DPEP1: variants seen among roughly 807,000 people sequenced by gnomAD.
DPEP1 encodes the protein beta-lactamase.
A neutral mutation model predicts 42.3 loss-of-function variants in DPEP1; 50 were observed. The ratio of observed to expected loss-of-function variants is 1.18; its 90% CI spans 0.94 to 1.50. The LOEUF (loss-of-function observed/expected upper bound fraction) is 1.50. Among genes scored for constraint, DPEP1 ranks in the 40% most tolerant of loss-of-function variants. DPEP1 has a pLI of 0.00. For synonymous variants in DPEP1, 297 were observed against 234.0 expected, an observed-to-expected ratio of 1.27 and a Z score of -2.46; for missense variants, 663 against 553.0, an observed-to-expected ratio of 1.20 and a Z score of -1.99.
intron 1 of DPEP1, among the ~76,000 whole-genome samples, chr16:89,622,073 G>A (rs2059452897): frequency 6.6e-6 from 1 of 152,190 alleles, no homozygotes; most frequent in Non-Finnish European, 1.5e-5. Flanking sequence ...CACCCTGTGA[G>A]GAGAGCGTGT....
downstream of DPEP1, among the ~76,000 whole-genome samples, chr16:89,638,995 GCACA>G (rs201490535): frequency 2.6e-4 from 4 of 15,614 alleles, no homozygotes; most frequent in East Asian, 5.7e-3. Context: ...CCCCACCCCT[GCACA>G]CACACACACA....
rs76820443 is a variant in DPEP1, at chr16:89,638,389, G to T, written c.*167G>T. On this transcript the variant is annotated 3_prime_UTR_variant, in exon 11 of 11. Transcript: ENST00000690203. ...GGCAGGATGCCTGGGGACAGTTCAGGACACACACACAGTAGGCCCGCAATA... is the reference window on the plus strand; with the variant it reads ...GGCAGGATGCCTGGGGACAGTTCAGTACACACACACAGTAGGCCCGCAATA... 82,962 of 1,405,638 alleles carry T rather than the reference G, an allele frequency of 0.059. 2,677 individuals carry two copies. Among genetic ancestry groups the T allele is most frequent in the South Asian group, 0.076 (4,546 of 59,904 alleles). 87.1% of individuals were successfully genotyped at this position (1,405,638 alleles called of 1,614,324 possible). A position where few individuals can be genotyped will look rare whatever the true frequency, so the allele number is the denominator to read the frequency against.
rs756694861 is a variant in DPEP1, at chr16:89,638,130, G to A, written c.1144G>A (p.Gly382Ser). Residue 382 changes from glycine (G) to serine (S), a missense_variant, in exon 11 of 11, where the codon GGC (glycine) becomes AGC (serine). Gly to Ser is a moderately conservative substitution (Grantham distance 56). Coordinates refer to ENST00000690203, the MANE Select transcript of DPEP1 (RefSeq NM_001389466.1). ...QLGGSCRTHY[G>S]YSSGASSLHR... ...GGGTGGCTCCTGCAGGACCCATTAC[G>A]GCTACTCCTCTGGGGCTTCCAGCCT... 2.5e-5 allele frequency: 40 copies of A among 1,611,990 alleles called. No homozygotes were observed. Among genetic ancestry groups the A allele is most frequent in the East Asian group, 1.3e-4 (6 of 44,888 alleles).
chr16:89,619,771 T>A (rs1567980866), intron 1 of DPEP1, among the ~76,000 whole-genome samples: 1 of 450 alleles, frequency 2.2e-3, no homozygotes, highest in African/African-American at 0.021. Context: ...CTCCCCTCCC[T>A]GCAGCCCCCT....
At chr16:89,629,749 T>C (rs2059560723) in intron 1 of DPEP1, among the ~76,000 whole-genome samples, 1 of 152,176 alleles carries the variant, frequency 6.6e-6, no homozygotes. Flanking sequence ...CTGCTTGGCC[T>C]GAAGCTCTGT....
downstream of DPEP1, among the ~76,000 whole-genome samples, chr16:89,638,698 ACACACACACACCGCACCCCTG>A (rs1257592926): frequency 1.4e-4 from 18 of 127,898 alleles, 1 homozygote; most frequent in South Asian, 2.4e-3. Flanking sequence ...CCCTGCACAC[ACACACACACACCGCACCCCTG>A]CACACACACA....
intron 1 of DPEP1, among the ~76,000 whole-genome samples, chr16:89,624,627 C>T (rs1266811784): frequency 6.6e-6 from 1 of 151,986 alleles, no homozygotes; most frequent in Non-Finnish European, 1.5e-5. Flanking sequence ...CTCTGCCTCC[C>T]AGGTTCAAGC....
Position 89,636,117 on chromosome 16 carries a change from C to A in DPEP1, c.237+77C>A, listed in dbSNP as rs2059675142. On this transcript the variant is annotated intron_variant, in intron 3 of 10. Transcript: ENST00000690203. Reference sequence around the variant, plus strand: ...TACCTCAGGCCTGGCTACAGTGGGACCATCCCTGTGGTGTTCCTCCAGGGT... The same window carrying A: ...TACCTCAGGCCTGGCTACAGTGGGAACATCCCTGTGGTGTTCCTCCAGGGT... The A allele has an allele frequency of 1.2e-5, 19 of 1,550,340 alleles. 1 individual carries two copies. In the South Asian group the frequency reaches 2.2e-4, roughly 18 times the overall value.
chr16:89,622,225 C>G (rs1272706522), intron 1 of DPEP1, among the ~76,000 whole-genome samples: 1 of 152,168 alleles, frequency 6.6e-6, no homozygotes, highest in Admixed American at 6.5e-5. Flanking sequence ...GGGGCCAGGA[C>G]TACTAACCCC....
chr16:89,636,460 C>A, intron 4 of DPEP1, 64 bp downstream of exon 4: 1 of 1,595,514 alleles, frequency 6.3e-7, no homozygotes, highest in Non-Finnish European at 8.5e-7. Context: ...TCCTGAGCAG[C>A]AGGTGCCGGT....
At chr16:89,638,452 C>T (rs973579687), downstream of DPEP1, 21 of 1,311,696 alleles carry the variant, frequency 1.6e-5, no homozygotes, top group Admixed American at 1.8e-4. Flanking sequence ...TACGTGTCAT[C>T]GGCATCCGGC....
At chr16:89,625,588 G>A (rs761574800) in intron 1 of DPEP1, among the ~76,000 whole-genome samples, 6 of 152,278 alleles carry the variant, frequency 3.9e-5, no homozygotes, top group African/African-American at 9.6e-5. Context: ...CAGGTTGGAC[G>A]AGGGGAGGCT....
chr16:89,614,241 C>T (rs1052312684), intron 1 of DPEP1, among the ~76,000 whole-genome samples: 2 of 152,170 alleles, frequency 1.3e-5, no homozygotes, highest in Non-Finnish European at 2.9e-5. Flanking sequence ...CCAGAGGCCC[C>T]ACAACCCCGC....
intron 2 of DPEP1, 134 bp from the exon 3 acceptor site, chr16:89,635,774 G>A (rs527814924): frequency 1.6e-5 from 20 of 1,247,004 alleles, no homozygotes; most frequent in African/African-American, 1.1e-4. Context: ...TGTCACCCCC[G>A]CGGCCTAGAC....
Position 89,636,854 on chromosome 16 carries a change from T to G in DPEP1, c.522-12T>G. On this transcript the variant is annotated splice_polypyrimidine_tract_variant and intron_variant, in intron 5 of 10. Coordinates refer to ENST00000690203, the MANE Select transcript of DPEP1 (RefSeq NM_001389466.1). Reference sequence around the variant, plus strand: ...CGCTCACCTCTTGGGCACCTGCCTTTTGCTTCTCCAGGGCTGACAACTGGC... The same window carrying G: ...CGCTCACCTCTTGGGCACCTGCCTTGTGCTTCTCCAGGGCTGACAACTGGC... 1 of 1,612,402 alleles carries G rather than the reference T, an allele frequency of 6.2e-7. No homozygotes were observed. Among genetic ancestry groups the G allele is most frequent in the East Asian group, 2.2e-5 (1 of 44,872 alleles).
intron 10 of DPEP1, 28 bp downstream of exon 10, chr16:89,637,999 C>T: frequency 6.2e-7 from 1 of 1,607,830 alleles, no homozygotes; most frequent in Non-Finnish European, 8.5e-7. Context: ...ACCTGAGTCT[C>T]CCCCACCACC....
intron 1 of DPEP1, among the ~76,000 whole-genome samples, chr16:89,625,533 C>T (rs954652298): frequency 6.6e-6 from 1 of 152,184 alleles, no homozygotes. Context: ...GGAAGACCTT[C>T]AGTGCAGGCA....
At chr16:89,638,007 A>G in intron 10 of DPEP1, 36 bp downstream of exon 10, 1 of 1,608,998 alleles carries the variant, frequency 6.2e-7, no homozygotes, top group Non-Finnish European at 8.5e-7. Context: ...CTCCCCCACC[A>G]CCACCAGCAG....
intron 1 of DPEP1, among the ~76,000 whole-genome samples, chr16:89,622,870 A>G (rs1254021735): frequency 6.6e-6 from 1 of 151,538 alleles, no homozygotes; most frequent in African/African-American, 2.4e-5. Context: ...GGAGGAAGTG[A>G]ATGGAAGAGT....
Sources: gnomAD v4.1 joint callset for allele counts (sites outside exome capture counted in the v4.1 genomes callset) on GRCh38, gnomAD v4.1.1 for gene constraint, MANE v1.5 for transcripts, NCBI Gene and HGNC (gene_info 2026-07-23, HGNC 2026-07-21) for gene names.